ABCG2: variants seen among roughly 807,000 people sequenced by gnomAD.
ABCG2 encodes broad substrate specificity ATP-binding cassette transporter ABCG2.
A neutral mutation model predicts 73.5 loss-of-function variants in ABCG2; 80 were observed. That is an observed-to-expected ratio of 1.09 (90% CI 0.91 to 1.31). The LOEUF (loss-of-function observed/expected upper bound fraction) is 1.31. Ranked by LOEUF, ABCG2 falls within the 50% of genes most tolerant of loss-of-function variation. The pLI is 0.00. For missense variants in ABCG2, 796 were observed against 786.2 expected (o/e 1.01, Z -0.15); for synonymous variants, 269 against 282.4 (o/e 0.95, Z 0.48).
intron 5 of ABCG2, among the ~76,000 whole-genome samples, chr4:88,128,974 A>T (rs1486455454): frequency 6.6e-6 from 1 of 152,222 alleles, no homozygotes; most frequent in East Asian, 1.9e-4. Context: ...CACCAAGTCA[A>T]ATATGTAGTT....
At chr4:88,152,761 A>C (rs949812850) in intron 1 of ABCG2, among the ~76,000 whole-genome samples, 3 of 152,238 alleles carry the variant, frequency 2.0e-5, no homozygotes, top group African/African-American at 7.2e-5. Context: ...AGAAAAATAA[A>C]ACAAAATAGT....
upstream of ABCG2, among the ~76,000 whole-genome samples, chr4:88,159,630 A>G (rs545105481): frequency 7.9e-5 from 12 of 152,286 alleles, no homozygotes; most frequent in Non-Finnish European, 1.3e-4. Context: ...CTGCATGCAG[A>G]TATTTTCTGG....
chr4:88,172,763 C>T (rs1397360312), intron 1 of ABCG2, among the ~76,000 whole-genome samples: 2 of 152,018 alleles, frequency 1.3e-5, no homozygotes, highest in Non-Finnish European at 2.9e-5. Flanking sequence ...CATAGCCCAG[C>T]CCAAGATGGA....
intron 1 of ABCG2, among the ~76,000 whole-genome samples, chr4:88,154,216 C>G (rs1726760212): frequency 6.6e-6 from 1 of 152,122 alleles, no homozygotes; most frequent in Non-Finnish European, 1.5e-5. Context: ...AAGCATTGTC[C>G]TGAGCGATGG....
At chr4:88,149,252 T>C (rs1173359042) in intron 1 of ABCG2, among the ~76,000 whole-genome samples, 1 of 152,086 alleles carries the variant, frequency 6.6e-6, no homozygotes, top group Non-Finnish European at 1.5e-5. Flanking sequence ...AAGAATTCTG[T>C]CCAAATTGGT....
At chr4:88,108,661 G>A (rs984662191) in intron 9 of ABCG2, among the ~76,000 whole-genome samples, 1 of 152,138 alleles carries the variant, frequency 6.6e-6, no homozygotes, top group Non-Finnish European at 1.5e-5. Context: ...ACAGTCTAAT[G>A]GTATCAAGAT....
intron 1 of ABCG2, among the ~76,000 whole-genome samples, chr4:88,144,583 G>A (rs1400742557): frequency 6.8e-6 from 1 of 148,058 alleles, no homozygotes; most frequent in Non-Finnish European, 1.5e-5. Context: ...AGTCTCCCTA[G>A]TAGCTGGGAT....
upstream of ABCG2, among the ~76,000 whole-genome samples, chr4:88,160,844 A>G: frequency 7.8e-6 from 1 of 128,462 alleles, no homozygotes; most frequent in Non-Finnish European, 1.6e-5. Context: ...GTGAGACTCC[A>G]TCTCAAAAAA....
intron 5 of ABCG2, among the ~76,000 whole-genome samples, chr4:88,122,078 C>G (rs980926896): frequency 1.7e-4 from 26 of 152,186 alleles, no homozygotes; most frequent in African/African-American, 5.5e-4. Flanking sequence ...AAGTCCCTCC[C>G]CTAGCCAAGA....
At chr4:88,155,017 G>GC (rs1726839495) in intron 1 of ABCG2, among the ~76,000 whole-genome samples, 1 of 152,164 alleles carries the variant, frequency 6.6e-6, no homozygotes, top group African/African-American at 2.4e-5. Flanking sequence ...TGACTGCACA[G>GC]CCCTGCACTT....
chr4:88,103,961 G>A (rs73841284), intron 10 of ABCG2, among the ~76,000 whole-genome samples: 3,435 of 152,210 alleles, frequency 0.023, 38 homozygotes, highest in African/African-American at 0.029. Flanking sequence ...CAGACCCTTC[G>A]GGTGATTCCG....
chr4:88,230,292 T>C (rs62308058), intron 1 of ABCG2, among the ~76,000 whole-genome samples: 719 of 13,502 alleles, frequency 0.053, 5 homozygotes, highest in South Asian at 0.083. Context: ...CCGCACCTGT[T>C]ATATATATAT....
chr4:88,208,027 G>A (rs900909759), intron 1 of ABCG2, among the ~76,000 whole-genome samples: 3 of 152,160 alleles, frequency 2.0e-5, no homozygotes, highest in African/African-American at 7.2e-5. Context: ...TGCTCTATCA[G>A]TAGGTGTAGC....
chr4:88,097,630 A>G lies in ABCG2; in HGVS notation c.1493-23T>C, dbSNP rs562736486. 5 of 1,612,434 alleles carry G rather than the reference A, an allele frequency of 3.1e-6. No individual in the cohort carries two copies. In the African/African-American group the frequency reaches 5.3e-5, roughly 17 times the overall value. ...ATCCTTAGTCAGAAAGAGAAGAAGT[A>G]GTTAACCCAACTGCCTAGGTCACCG... On this transcript the variant is annotated intron_variant, in intron 12 of 15. Transcript: ENST00000237612.
upstream of ABCG2, chr4:88,163,478 A>G (rs1349660101): frequency 5.9e-6 from 1 of 169,542 alleles, no homozygotes; most frequent in African/African-American, 2.4e-5. Flanking sequence ...CAGGTCCCTT[A>G]GGAAGCATAA....
At position 88,198,136 on chromosome 4, in the gene ABCG2, A is replaced by C. The variant is rs566421259; in HGVS notation, c.-20+32858T>G. 3.9e-5 allele frequency among the ~76,000 whole-genome samples: 6 copies of C among 152,046 alleles called. 1 individual carries two copies. The East Asian group carries it at 1.2e-3, about 29-fold the overall frequency. On this transcript the variant is annotated intron_variant, in intron 1 of 15. Transcript: ENST00000515655. ...AACCTGAGGTTAGGAGTTCAAGACCAACCTGGCCAACATGGTGAAACCCCG... is the reference window on the plus strand; with the variant it reads ...AACCTGAGGTTAGGAGTTCAAGACCCACCTGGCCAACATGGTGAAACCCCG...
chr4:88,143,965 C>T (rs1006134358), intron 1 of ABCG2, among the ~76,000 whole-genome samples: 3 of 152,188 alleles, frequency 2.0e-5, no homozygotes, highest in African/African-American at 7.2e-5. Flanking sequence ...AGGGAACTCT[C>T]TAAAAGTAAC....
At chr4:88,223,585 A>T (rs1431285009) in intron 1 of ABCG2, 1 of 152,208 alleles carries the variant, frequency 6.6e-6, no homozygotes, top group Non-Finnish European at 1.5e-5. Context: ...TGGAACTGTG[A>T]GTCAATTAAA....
intron 1 of ABCG2, among the ~76,000 whole-genome samples, chr4:88,213,226 A>T (rs1278569320): frequency 1.3e-5 from 2 of 152,146 alleles, no homozygotes; most frequent in Admixed American, 6.5e-5. Context: ...TAAATTCTTG[A>T]TCAAGAATCT....
Sources: gnomAD v4.1 joint callset for allele counts (sites outside exome capture counted in the v4.1 genomes callset) on GRCh38, gnomAD v4.1.1 for gene constraint, MANE v1.5 for transcripts, NCBI Gene and HGNC (gene_info 2026-07-23, HGNC 2026-07-21) for gene names.